CALN1: variants seen among roughly 807,000 people sequenced by gnomAD.
CALN1 encodes calneuron 1.
CALN1 carries 17 observed loss-of-function variants against 30.6 expected under a neutral mutation model. The observed-to-expected ratio is 0.56, with a 90% confidence interval of 0.38 to 0.83. CALN1 has a LOEUF of 0.83. CALN1 is among the 40% of genes least tolerant of loss of function. CALN1 has a pLI of 0.00. For synonymous variants in CALN1, 156 were observed against 131.4 expected, an observed-to-expected ratio of 1.19 and a Z score of -1.28; for missense variants, 291 against 354.9, an observed-to-expected ratio of 0.82 and a Z score of 1.45.
At chr7:72,233,595 T>C (rs1324584281) in intron 3 of CALN1, among the ~76,000 whole-genome samples, 1 of 151,390 alleles carries the variant, frequency 6.6e-6, no homozygotes, top group East Asian at 1.9e-4. Flanking sequence ...GGTGAGCACT[T>C]ATAGTGTCAG....
At chr7:72,367,715 G>A (rs1455024990) in intron 2 of CALN1, among the ~76,000 whole-genome samples, 1 of 148,694 alleles carries the variant, frequency 6.7e-6, no homozygotes, top group Non-Finnish European at 1.5e-5. Flanking sequence ...CACGCCTGTG[G>A]TCCCAGCTAT....
At chr7:72,204,197 G>A (rs941416133) in intron 3 of CALN1, among the ~76,000 whole-genome samples, 11 of 149,294 alleles carry the variant, frequency 7.4e-5, no homozygotes, top group East Asian at 5.9e-4. Flanking sequence ...GGGTTTCACC[G>A]TGTTAGCCAG....
chr7:72,457,224 G>T, the CALN1 span, among the ~76,000 whole-genome samples: 5 of 151,862 alleles, frequency 3.3e-5, no homozygotes, highest in Non-Finnish European at 7.4e-5. Flanking sequence ...TAGCCAGTCT[G>T]GTCTCGAACT....
At chr7:72,449,658 G>A (rs1808619625), upstream of CALN1, among the ~76,000 whole-genome samples, 1 of 151,984 alleles carries the variant, frequency 6.6e-6, no homozygotes, top group East Asian at 1.9e-4. Context: ...GGATCACGAG[G>A]TCAGGAGATC....
At chr7:72,063,296 T>C (rs1321662266) in intron 4 of CALN1, among the ~76,000 whole-genome samples, 1 of 152,224 alleles carries the variant, frequency 6.6e-6, no homozygotes, top group East Asian at 1.9e-4. Context: ...AACTCTCAGA[T>C]TGCATTAAGA....
At chr7:72,083,713 G>T (rs1380734371) in intron 4 of CALN1, among the ~76,000 whole-genome samples, 1 of 152,152 alleles carries the variant, frequency 6.6e-6, no homozygotes, top group African/African-American at 2.4e-5. Context: ...GAGGTTAAGA[G>T]ATCGAGACCA....
intron 2 of CALN1, among the ~76,000 whole-genome samples, chr7:72,336,176 G>C (rs1046209549): frequency 6.6e-6 from 1 of 152,038 alleles, no homozygotes; most frequent in Non-Finnish European, 1.5e-5. Context: ...TCAGCGCTAG[G>C]GGCCGGAGGT....
chr7:72,236,794 C>T (rs1432497988), intron 3 of CALN1, among the ~76,000 whole-genome samples: 2 of 152,202 alleles, frequency 1.3e-5, no homozygotes, highest in East Asian at 3.9e-4. Flanking sequence ...CTATCTGTCA[C>T]ATGGAAAAGA....
At chr7:72,017,233 C>T (rs189708827) in intron 5 of CALN1, among the ~76,000 whole-genome samples, 36 of 148,812 alleles carry the variant, frequency 2.4e-4, no homozygotes, top group Non-Finnish European at 4.3e-4. Flanking sequence ...ACAGGAGACA[C>T]GAGACCACAG....
At chr7:72,133,564 C>T (rs942445762) in intron 3 of CALN1, among the ~76,000 whole-genome samples, 2 of 152,160 alleles carry the variant, frequency 1.3e-5, no homozygotes, top group Non-Finnish European at 2.9e-5. Flanking sequence ...CTAATGGACG[C>T]TAAACCTAGT....
chr7:72,203,979 C>CTAAT (rs59798860), intron 3 of CALN1, among the ~76,000 whole-genome samples: 1 of 83,778 alleles, frequency 1.2e-5, no homozygotes, highest in South Asian at 4.7e-4. Flanking sequence ...AGGCCTCTCT[C>CTAAT]TTTTTTTTTT....
chr7:72,044,508 A>T (rs1802336854), intron 4 of CALN1, among the ~76,000 whole-genome samples: 1 of 151,868 alleles, frequency 6.6e-6, no homozygotes, highest in East Asian at 1.9e-4. Context: ...AGAGAGAAAC[A>T]GGCCTCTCAA....
At chr7:71,841,913 T>C (rs1044837756) in intron 5 of CALN1, among the ~76,000 whole-genome samples, 31 of 152,018 alleles carry the variant, frequency 2.0e-4, no homozygotes, top group African/African-American at 7.2e-4. Flanking sequence ...GTTCACCATT[T>C]GAATGATGGG....
At chr7:72,054,440 T>C (rs1803065682) in intron 4 of CALN1, among the ~76,000 whole-genome samples, 1 of 77,828 alleles carries the variant, frequency 1.3e-5, no homozygotes, top group Admixed American at 1.4e-4. Context: ...CACGTATATA[T>C]ATATATACAT....
chr7:72,093,516 C>G (rs565532781), intron 4 of CALN1, among the ~76,000 whole-genome samples: 23 of 152,234 alleles, frequency 1.5e-4, no homozygotes, highest in South Asian at 1.2e-3. Flanking sequence ...CATGCATTAG[C>G]ATTATGATTA....
At chr7:72,029,350 G>A (rs1242754388) in intron 4 of CALN1, among the ~76,000 whole-genome samples, 2 of 152,064 alleles carry the variant, frequency 1.3e-5, no homozygotes, top group Admixed American at 6.6e-5. Flanking sequence ...TTCTGACCTC[G>A]TGATCCGCCC....
intron 3 of CALN1, among the ~76,000 whole-genome samples, chr7:72,245,057 T>A (rs1433900810): frequency 6.6e-6 from 1 of 152,152 alleles, no homozygotes. Flanking sequence ...CCTTGCTCCA[T>A]CCCAAAACAT....
At chr7:71,822,394 G>A (rs1329420236) in intron 5 of CALN1, among the ~76,000 whole-genome samples, 5 of 152,058 alleles carry the variant, frequency 3.3e-5, no homozygotes, top group African/African-American at 1.2e-4. Flanking sequence ...GATTACAGGC[G>A]TGTGCCATCA....
chr7:72,144,883 A>G (rs1263678770), intron 3 of CALN1, among the ~76,000 whole-genome samples: 1 of 152,252 alleles, frequency 6.6e-6, no homozygotes. Context: ...TGGGTTCATA[A>G]CGGAATGAAG....
Sources: gnomAD v4.1 joint callset for allele counts (sites outside exome capture counted in the v4.1 genomes callset) on GRCh38, gnomAD v4.1.1 for gene constraint, MANE v1.5 for transcripts, NCBI Gene and HGNC (gene_info 2026-07-23, HGNC 2026-07-21) for gene names.